The following INO80 variants were observed in gnomAD, a reference collection of about 807,000 sequenced individuals.
The protein encoded by INO80 is chromatin-remodeling ATPase INO80.
INO80 carries 20 observed loss-of-function variants against 203.4 expected under a neutral mutation model. The ratio of observed to expected loss-of-function variants is 0.10; its 90% CI spans 0.07 to 0.14. The LOEUF (loss-of-function observed/expected upper bound fraction) is 0.14. Ranked by LOEUF, INO80 falls within the 10% of genes least tolerant of loss-of-function variation. The pLI, the probability that INO80 is intolerant of heterozygous loss-of-function variation, is 1.00. For synonymous variants in INO80, 726 were observed against 685.2 expected (o/e 1.06, Z -0.93); for missense variants, 1,419 against 1,914.4 (o/e 0.74, Z 4.83).
chr15:41,042,272 C>T (rs531694654), intron 24 of INO80, among the ~76,000 whole-genome samples: 1 of 151,934 alleles, frequency 6.6e-6, no homozygotes, highest in African/African-American at 2.4e-5. Context: ...CCTCATCCTC[C>T]CCAAGTGCTG....
intron 4 of INO80, 103 bp downstream of exon 4, chr15:41,095,498 T>C: frequency 1.2e-6 from 1 of 802,240 alleles, no homozygotes; most frequent in South Asian, 1.6e-5. Flanking sequence ...AGAATCATAT[T>C]TGAAAAACTC....
At chr15:41,100,403 C>T (rs1167865523) in intron 1 of INO80, among the ~76,000 whole-genome samples, 1 of 152,126 alleles carries the variant, frequency 6.6e-6, no homozygotes. Flanking sequence ...AAACTTATTC[C>T]TCAGTACCTA....
intron 14 of INO80, 93 bp from the exon 15 acceptor site, chr15:41,060,019 T>G: frequency 1.2e-6 from 1 of 866,718 alleles, no homozygotes; most frequent in Admixed American, 2.5e-5. Context: ...AAAAAGAAAC[T>G]AATAAAATGA....
chr15:41,082,936 CTT>C (rs2045506502), intron 7 of INO80, among the ~76,000 whole-genome samples: 1 of 151,756 alleles, frequency 6.6e-6, no homozygotes. Context: ...TCTGAGGCCT[CTT>C]CATCAGGTAC....
At chr15:41,068,234 C>G (rs1168236224) in intron 14 of INO80, among the ~76,000 whole-genome samples, 1 of 151,950 alleles carries the variant, frequency 6.6e-6, no homozygotes, top group Admixed American at 6.6e-5. Flanking sequence ...CCAGCCTGGG[C>G]AACATAGTGA....
intron 24 of INO80, among the ~76,000 whole-genome samples, chr15:41,043,484 C>T (rs1032315284): frequency 2.6e-5 from 4 of 152,112 alleles, no homozygotes; most frequent in Non-Finnish European, 5.9e-5. Context: ...GATTCCCTCT[C>T]CAAAGTCCAA....
At chr15:40,983,546 T>A (rs1217060616) in intron 34 of INO80, among the ~76,000 whole-genome samples, 1 of 152,112 alleles carries the variant, frequency 6.6e-6, no homozygotes, top group East Asian at 1.9e-4. Flanking sequence ...GCAAAAATAA[T>A]GGTGAATCTG....
Position 41,028,997 on chromosome 15 carries a change from G to C in INO80, c.2908-1261C>G, listed in dbSNP as rs183592353. On this transcript the variant is annotated intron_variant, in intron 24 of 35. Transcript: ENST00000648947. The stretch of plus-strand genomic sequence containing the variant: ...CATGGTGTTCTATATAAGAAATGCA[G>C]AAGTTCCTTCCTCAGTATGTTATTC... 1.6e-4 allele frequency among the ~76,000 whole-genome samples: 24 copies of C among 152,316 alleles called. No individual in the cohort carries two copies. In the East Asian group the frequency reaches 4.6e-3, roughly 29 times the overall value.
At chr15:41,044,695 G>GT (rs2044723486) in intron 24 of INO80, among the ~76,000 whole-genome samples, 1 of 28,324 alleles carries the variant, frequency 3.5e-5, no homozygotes. Flanking sequence ...TCACAGTATT[G>GT]TAAAAAAAAC....
At chr15:41,110,464 G>A (rs893909390) in intron 1 of INO80, among the ~76,000 whole-genome samples, 1 of 151,948 alleles carries the variant, frequency 6.6e-6, no homozygotes, top group Non-Finnish European at 1.5e-5. Flanking sequence ...TTTTTAGACA[G>A]GGTCTCGCTT....
At chr15:41,047,931 G>A (rs1158709683) in intron 22 of INO80, among the ~76,000 whole-genome samples, 2 of 152,132 alleles carry the variant, frequency 1.3e-5, no homozygotes, top group African/African-American at 4.8e-5. Context: ...GTCCAGCACC[G>A]ACTTTGTCAA....
At chr15:41,096,851 T>C (rs530871616) in intron 1 of INO80, among the ~76,000 whole-genome samples, 1 of 152,328 alleles carries the variant, frequency 6.6e-6, no homozygotes, top group African/African-American at 2.4e-5. Context: ...TACAAGGGAA[T>C]AGATGTATTG....
At chr15:41,074,325 A>C (rs749252746) in intron 10 of INO80, 45 bp downstream of exon 10, 1 of 1,438,172 alleles carries the variant, frequency 7.0e-7, no homozygotes, top group Admixed American at 2.3e-5. Flanking sequence ...TTTAGATATA[A>C]AAAATAAGAG....
chr15:41,071,184 C>G (rs1028206020), intron 12 of INO80, among the ~76,000 whole-genome samples: 1 of 152,148 alleles, frequency 6.6e-6, no homozygotes, highest in South Asian at 2.1e-4. Flanking sequence ...GAAAGAGAAA[C>G]AGAGACATCC....
rs776759145 is a variant in INO80 at position 40,983,082 on chromosome 15, G to C, written c.4238-5C>G. On this transcript the variant is annotated splice_region_variant and splice_polypyrimidine_tract_variant and intron_variant, in intron 34 of 35. Coordinates refer to ENST00000648947, the MANE Select transcript of INO80 (RefSeq NM_017553.3). Reference sequence around the variant, plus strand: ...GCATTTCCTGAATGGAAATTCCTGTGGGAACAAATGGGCCAAAAGGGAAAG... The same window carrying C: ...GCATTTCCTGAATGGAAATTCCTGTCGGAACAAATGGGCCAAAAGGGAAAG... 1.2e-6 allele frequency: 2 copies of C among 1,608,592 alleles called. No individual in the cohort carries two copies. Among genetic ancestry groups the C allele is most frequent in the Non-Finnish European group, 1.7e-6 (2 of 1,176,074 alleles).
rs765369237 is a variant in INO80 at position 41,096,242 on chromosome 15, C to T, written c.69G>A (p.Gln23=). The T allele has an allele frequency of 6.2e-7, 1 of 1,613,100 alleles. No homozygotes were observed. The highest frequency in any genetic ancestry group is 2.2e-5 in the East Asian group (1 of 44,880). ...CTELAKPLYL[Q]YLERALRLDH... ...CCAACCGGAGGGCCCTCTCCAAGTA[C>T]TGAAGATAGAGGGGCTTTGCCAGCT... Residue 23 remains glutamine (Q), a synonymous_variant, in exon 2 of 36, where the codon CAG becomes CAA. Coordinates refer to ENST00000648947, the MANE Select transcript of INO80 (RefSeq NM_017553.3).
chr15:40,983,173 T>G, intron 34 of INO80, 96 bp from the exon 35 acceptor site: 1 of 997,972 alleles, frequency 1.0e-6, no homozygotes, highest in South Asian at 1.6e-5. Flanking sequence ...AAGCGAGCTC[T>G]TAGGGCATTT....
intron 9 of INO80, among the ~76,000 whole-genome samples, chr15:41,077,903 C>CTT (rs555381572): frequency 2.2e-5 from 3 of 139,306 alleles, no homozygotes; most frequent in Non-Finnish European, 1.6e-5. Context: ...AGAATAACAT[C>CTT]TTTTTTTTTT....
intron 24 of INO80, among the ~76,000 whole-genome samples, chr15:41,034,985 G>A (rs1596278339): frequency 6.6e-6 from 1 of 152,180 alleles, no homozygotes; most frequent in Non-Finnish European, 1.5e-5. Flanking sequence ...ATGCTCACAA[G>A]GAGTTAAGAG....
Sources: allele counts gnomAD v4.1 joint callset (sites outside exome capture counted in the v4.1 genomes callset), GRCh38; gene constraint gnomAD v4.1.1; transcripts MANE v1.5; gene names NCBI Gene and HGNC (gene_info 2026-07-23, HGNC 2026-07-21).